Variants in RALGPS1 observed in about 807,000 individuals in gnomAD.
The protein encoded by RALGPS1 is ras-specific guanine nucleotide-releasing factor RalGPS1.
Under a neutral mutation model 78.8 loss-of-function variants are expected in RALGPS1, and 19 were observed. That is an observed-to-expected ratio of 0.24 (90% CI 0.17 to 0.35). The LOEUF is 0.35. RALGPS1 is among the 10% of genes least tolerant of loss of function. The probability of loss-of-function intolerance (pLI) is 1.00; values close to 1 mark genes in which losing one functional copy is unlikely to be tolerated. For synonymous variants in RALGPS1, 228 were observed against 256.3 expected, an observed-to-expected ratio of 0.89 and a Z score of 1.06; for missense variants, 454 against 688.3, an observed-to-expected ratio of 0.66 and a Z score of 3.81.
In RALGPS1 at chr9:127,222,421, TGA is replaced by T. The variant is rs2062796236; in HGVS notation, c.*3658_*3659del. On this transcript the variant is annotated 3_prime_UTR_variant, in exon 19 of 19. Transcript: ENST00000259351. ...CACGCCAAGGATTCCAAAGGTGGAA[TGA>T]GAGAGTAGGGTCAAACTGTCACAGT... The T allele has an allele frequency of 6.6e-6, 1 of 152,258 alleles. No homozygotes were observed. Among genetic ancestry groups the T allele is most frequent in the South Asian group, 2.1e-4 (1 of 4,832 alleles). 9.4% of individuals were successfully genotyped at this position (152,258 alleles called of 1,614,324 possible).
intron 4 of RALGPS1, among the ~76,000 whole-genome samples, chr9:127,006,827 C>T (rs939344764): frequency 2.0e-5 from 3 of 151,988 alleles, no homozygotes; most frequent in Admixed American, 2.0e-4. Context: ...TGCCAGGGTA[C>T]AGCATACTTT....
intron 8 of RALGPS1, among the ~76,000 whole-genome samples, chr9:127,152,201 A>G (rs1451526058): frequency 6.6e-6 from 1 of 152,194 alleles, no homozygotes; most frequent in African/African-American, 2.4e-5. Context: ...CCTGGAATAG[A>G]CTGTGTGGGG....
chr9:127,188,832 T>TTAAAAAAAAAAAAAAAAAAA lies in RALGPS1; in HGVS notation c.911-6259_911-6258insTAAAAAAAAAAAAAAAAAAA, dbSNP rs756481918. ...AAAGACTAAGAAACCCCATCTCTAC[T>TTAAAAAAAAAAAAAAAAAAA]AAAAAAAAAAAAAAAAATGTAGCCA... On this transcript the variant is annotated intron_variant, in intron 11 of 18. Coordinates refer to ENST00000259351, the MANE Select transcript of RALGPS1 (RefSeq NM_014636.3). Among the ~76,000 whole-genome samples, 739 of 87,312 alleles carry TTAAAAAAAAAAAAAAAAAAA rather than the reference T, an allele frequency of 8.5e-3. 133 individuals are homozygous for TTAAAAAAAAAAAAAAAAAAA. Among genetic ancestry groups the TTAAAAAAAAAAAAAAAAAAA allele is most frequent in the Admixed American group, 0.019 (147 of 7,560 alleles). The allele number at this position is 87,312 out of a possible 152,430, so 57.3% of individuals were successfully genotyped here. A position where few individuals can be genotyped will look rare whatever the true frequency, so the allele number is the denominator to read the frequency against.
chr9:127,194,543 G>T (rs1163789245), intron 11 of RALGPS1, among the ~76,000 whole-genome samples: 1 of 152,216 alleles, frequency 6.6e-6, no homozygotes, highest in Non-Finnish European at 1.5e-5. Flanking sequence ...CTCCCGAGTA[G>T]CTGGGATTAC....
intron 18 of RALGPS1, chr9:127,216,805 C>A: frequency 8.9e-7 from 1 of 1,126,798 alleles, no homozygotes; most frequent in South Asian, 2.7e-5. Context: ...ATCCTGGCCT[C>A]CTCCATACTG....
chr9:126,932,631 G>A (rs2035892480), intron 1 of RALGPS1, among the ~76,000 whole-genome samples: 1 of 152,048 alleles, frequency 6.6e-6, no homozygotes, highest in Non-Finnish European at 1.5e-5. Context: ...TGTTCATACA[G>A]ATAGAAAAGG....
intron 4 of RALGPS1, among the ~76,000 whole-genome samples, chr9:127,014,910 G>A (rs2044679514): frequency 1.3e-5 from 2 of 152,124 alleles, no homozygotes; most frequent in Non-Finnish European, 2.9e-5. Flanking sequence ...GGATGCACTT[G>A]TATAGTTATT....
At chr9:126,939,162 G>T (rs1431551115) in intron 1 of RALGPS1, among the ~76,000 whole-genome samples, 2 of 152,136 alleles carry the variant, frequency 1.3e-5, no homozygotes, top group Non-Finnish European at 2.9e-5. Flanking sequence ...CCCCAGTCCT[G>T]CAGGGTCGCA....
intron 11 of RALGPS1, among the ~76,000 whole-genome samples, chr9:127,181,786 C>T (rs776479376): frequency 2.0e-5 from 3 of 151,846 alleles, no homozygotes; most frequent in South Asian, 2.1e-4. Context: ...AGGATACAGT[C>T]GTAATTGGAG....
Position 127,059,209 on chromosome 9 carries a change from G to A in RALGPS1, c.483+6270G>A, listed in dbSNP as rs372414146. On this transcript the variant is annotated intron_variant, in intron 7 of 18. Transcript: ENST00000259351. ...CTTTGACTGATGCAGTGCCTCAGTA[G>A]CCACCCTCTGATGTTGTTGAGAAGG... is the stretch of plus-strand genomic sequence containing the variant. Among the ~76,000 whole-genome samples the A allele has an allele frequency of 3.9e-5, 6 of 152,294 alleles. No individual in the cohort carries two copies. In the South Asian group the frequency reaches 1.2e-3, roughly 32 times the overall value.
chr9:127,219,052 G>A lies in RALGPS1; in HGVS notation c.*283G>A. 2 of 511,518 alleles carry A rather than the reference G, an allele frequency of 3.9e-6. No homozygotes were observed. Among genetic ancestry groups the A allele is most frequent in the South Asian group, 4.2e-5 (2 of 48,030 alleles). 31.7% of individuals were successfully genotyped at this position (511,518 alleles called of 1,614,324 possible). A position where few individuals can be genotyped will look rare whatever the true frequency, so the allele number is the denominator to read the frequency against. ...CTCTGGGCCCACCACCTGCATCTGC[G>A]ACTAGAGAGCACCCGGCCCACGTTG... On this transcript the variant is annotated 3_prime_UTR_variant, in exon 19 of 19. Transcript: ENST00000259351. This position sits in a 1 kb window ranked among gnomAD's most constrained non-coding sequence, Gnocchi z 5.0.
At chr9:126,954,394 C>A (rs1171568252) in intron 1 of RALGPS1, among the ~76,000 whole-genome samples, 3 of 152,228 alleles carry the variant, frequency 2.0e-5, no homozygotes, top group Admixed American at 2.0e-4. Flanking sequence ...ACTGACTTAA[C>A]TGCCTCCATT....
In RALGPS1 at chr9:127,212,632, C is replaced by T; in HGVS notation, c.1359C>T (p.Ser453=). The change falls in exon 16 of 19, where the codon TCC becomes TCT. Residue 453 remains serine (S), a synonymous_variant. Transcript: ENST00000259351. This position sits in a 1 kb window ranked among gnomAD's most constrained non-coding sequence, Gnocchi z 6.0. ...LLKEGRKPAL[S]SWTRYWVILS... ...AGCCTCCCCTTCCTCTGTAGCTGTC[C>T]TCGTGGACCAGGTACTGGGTCATAC... The T allele has an allele frequency of 1.2e-6, 2 of 1,609,366 alleles. No homozygotes were observed. The highest frequency in any genetic ancestry group is 1.7e-6 in the Non-Finnish European group (2 of 1,177,102).
intron 1 of RALGPS1, among the ~76,000 whole-genome samples, chr9:126,930,888 ATC>A: frequency 6.6e-6 from 1 of 152,374 alleles, no homozygotes; most frequent in African/African-American, 2.4e-5. Context: ...AAAAATGGCT[ATC>A]TGTGTTATAT....
chr9:127,022,287 G>A (rs940160677), intron 4 of RALGPS1, among the ~76,000 whole-genome samples: 3 of 152,000 alleles, frequency 2.0e-5, no homozygotes, highest in African/African-American at 7.3e-5. Flanking sequence ...CCCTTAACAG[G>A]TATTTATTTC....
Position 127,212,646 on chromosome 9 carries a change from A to T in RALGPS1, c.1373A>T (p.Tyr458Phe). ...RKPALSSWTR[Y>F]WVILSGSTLL... Reference sequence around the variant, plus strand: ...CTGTAGCTGTCCTCGTGGACCAGGTACTGGGTCATACTCTCAGGATCCACC... The same window carrying T: ...CTGTAGCTGTCCTCGTGGACCAGGTTCTGGGTCATACTCTCAGGATCCACC... The change falls in exon 16 of 19, where the codon TAC (tyrosine) becomes TTC (phenylalanine). Residue 458 changes from tyrosine (Y) to phenylalanine (F), a missense_variant. Tyr to Phe is a conservative substitution (Grantham distance 22). Coordinates refer to ENST00000259351, the MANE Select transcript of RALGPS1 (RefSeq NM_014636.3). This position sits in a 1 kb window ranked among gnomAD's most constrained non-coding sequence, Gnocchi z 6.0. The T allele has an allele frequency of 1.2e-6, 2 of 1,612,458 alleles. No homozygotes were observed. The highest frequency in any genetic ancestry group is 1.7e-6 in the Non-Finnish European group (2 of 1,178,904).
chr9:127,078,210 T>C (rs1404834272), intron 8 of RALGPS1, among the ~76,000 whole-genome samples: 5 of 152,222 alleles, frequency 3.3e-5, no homozygotes, highest in Non-Finnish European at 7.3e-5. Context: ...TTCCATGATT[T>C]TGAAGAGTGG....
At chr9:126,968,369 A>G (rs2039751066) in intron 3 of RALGPS1, among the ~76,000 whole-genome samples, 1 of 152,222 alleles carries the variant, frequency 6.6e-6, no homozygotes, top group Non-Finnish European at 1.5e-5. Context: ...CTGATAAAGT[A>G]AGGATCCAAG....
intron 8 of RALGPS1, among the ~76,000 whole-genome samples, chr9:127,159,015 G>T (rs544277583): frequency 2.1e-4 from 32 of 152,020 alleles, no homozygotes; most frequent in Non-Finnish European, 7.4e-5. Context: ...TTCCAAAATA[G>T]GTAGTGGGTG....
Sources: gnomAD v4.1 joint callset for allele counts (sites outside exome capture counted in the v4.1 genomes callset) on GRCh38, gnomAD v4.1.1 for gene constraint, Gnocchi (gnomAD v3.1) non-coding constraint, MANE v1.5 for transcripts, NCBI Gene and HGNC (gene_info 2026-07-23, HGNC 2026-07-21) for gene names.